The following BNC2 variants were observed in gnomAD, a reference collection of about 807,000 sequenced individuals.
The protein encoded by BNC2 is basonuclin zinc finger protein 2.
A neutral mutation model predicts 76.3 loss-of-function variants in BNC2; 20 were observed. That is an observed-to-expected ratio of 0.26 (90% CI 0.18 to 0.38). The LOEUF is 0.38. BNC2 is among the 10% of genes least tolerant of loss of function. BNC2 has a pLI of 1.00. For synonymous variants in BNC2, 582 were observed against 514.8 expected (o/e 1.13, Z -1.77); for missense variants, 1,382 against 1,399.8 (o/e 0.99, Z 0.20).
At chr9:16,605,104 AC>A (rs1417753896) in intron 3 of BNC2, among the ~76,000 whole-genome samples, 1 of 152,236 alleles carries the variant, frequency 6.6e-6, no homozygotes, top group African/African-American at 2.4e-5. Context: ...CAAAAGGAAC[AC>A]AACATTGTAA....
At chr9:16,542,858 T>C (rs1356431527) in intron 5 of BNC2, among the ~76,000 whole-genome samples, 3 of 152,306 alleles carry the variant, frequency 2.0e-5, no homozygotes, top group South Asian at 4.1e-4. Flanking sequence ...CAGATCCTTA[T>C]CTCATTTTCT....
At chr9:16,706,115 C>T (rs1823664638) in intron 3 of BNC2, among the ~76,000 whole-genome samples, 2 of 152,148 alleles carry the variant, frequency 1.3e-5, no homozygotes, top group Admixed American at 6.5e-5. Context: ...AAATTGTTCT[C>T]ATGTAGCCCT....
At chr9:16,659,143 A>ATGG (rs1423735418) in intron 3 of BNC2, among the ~76,000 whole-genome samples, 1 of 114,782 alleles carries the variant, frequency 8.7e-6, no homozygotes, top group Non-Finnish European at 1.7e-5. Flanking sequence ...TGGCAGATGG[A>ATGG]TGGCGGGGGG....
intron 6 of BNC2, among the ~76,000 whole-genome samples, chr9:16,427,654 G>C (rs1400970017): frequency 1.3e-5 from 2 of 152,186 alleles, no homozygotes; most frequent in Non-Finnish European, 2.9e-5. Flanking sequence ...TTGCTCCCAA[G>C]TTTGGAGAGT....
At chr9:16,811,719 A>G (rs1818061006) in intron 1 of BNC2, among the ~76,000 whole-genome samples, 2 of 152,174 alleles carry the variant, frequency 1.3e-5, no homozygotes, top group Admixed American at 1.3e-4. Flanking sequence ...GAAGCTATGC[A>G]TGTGGAGGCA....
At chr9:16,841,638 T>C (rs1008978933) in intron 1 of BNC2, among the ~76,000 whole-genome samples, 4 of 152,146 alleles carry the variant, frequency 2.6e-5, no homozygotes, top group African/African-American at 7.2e-5. Flanking sequence ...CCATGCCTTC[T>C]TATAAAATCA....
chr9:16,692,160 T>C (rs1297102656), intron 3 of BNC2, among the ~76,000 whole-genome samples: 1 of 152,156 alleles, frequency 6.6e-6, no homozygotes, highest in Non-Finnish European at 1.5e-5. Flanking sequence ...ATTCTATTGG[T>C]TTGCAATCAT....
intron 3 of BNC2, among the ~76,000 whole-genome samples, chr9:16,619,370 G>C (rs186091843): frequency 3.4e-4 from 52 of 151,922 alleles, no homozygotes; most frequent in African/African-American, 1.3e-3. Context: ...CACCCTTCTG[G>C]CACAGCAGGC....
chr9:16,482,519 G>A (rs1371734576), intron 5 of BNC2, among the ~76,000 whole-genome samples: 2 of 152,108 alleles, frequency 1.3e-5, no homozygotes, highest in Admixed American at 1.3e-4. Flanking sequence ...TATTTTGACA[G>A]TTTAAATTGT....
Position 16,410,405 on chromosome 9 carries a change from T to A in BNC2, c.*8584A>T, listed in dbSNP as rs1418589619. 6.5e-6 allele frequency: 1 copy of A among 152,690 alleles called. No individual in the cohort carries two copies. Among genetic ancestry groups the A allele is most frequent in the Admixed American group, 6.5e-5 (1 of 15,272 alleles). 9.5% of individuals were successfully genotyped at this position (152,690 alleles called of 1,614,324 possible). A position where few individuals can be genotyped will look rare whatever the true frequency, so the allele number is the denominator to read the frequency against. ...CAAGCCCAAGTCTTCTCCCCATTTC[T>A]CGACCGTCCTCACCCCTCTGACCTT... On this transcript the variant is annotated 3_prime_UTR_variant, in exon 7 of 7. Transcript: ENST00000380672.
intron 3 of BNC2, among the ~76,000 whole-genome samples, chr9:16,694,441 G>T (rs1362480196): frequency 2.6e-5 from 4 of 152,098 alleles, no homozygotes; most frequent in African/African-American, 9.7e-5. Flanking sequence ...ATGCACAGTG[G>T]TTGGCTAGAG....
chr9:16,861,221 G>A (rs1318121970), intron 1 of BNC2, among the ~76,000 whole-genome samples: 1 of 138,078 alleles, frequency 7.2e-6, no homozygotes, highest in Non-Finnish European at 1.5e-5. Flanking sequence ...AGGCATCGTG[G>A]CTTGCACTTG....
intron 3 of BNC2, among the ~76,000 whole-genome samples, chr9:16,704,412 G>C (rs897559862): frequency 6.6e-6 from 1 of 152,044 alleles, no homozygotes; most frequent in Admixed American, 6.5e-5. Context: ...TGCTCGTGTG[G>C]TTTCACAACA....
intron 1 of BNC2, among the ~76,000 whole-genome samples, chr9:16,855,894 G>C (rs1030064326): frequency 1.3e-5 from 2 of 151,990 alleles, no homozygotes; most frequent in African/African-American, 4.8e-5. Context: ...GTCTAATGTT[G>C]TTTCATGGAA....
intron 5 of BNC2, among the ~76,000 whole-genome samples, chr9:16,512,529 A>T (rs1248807855): frequency 6.6e-6 from 1 of 152,156 alleles, no homozygotes; most frequent in Admixed American, 6.6e-5. Flanking sequence ...GCACAATGTA[A>T]TTAAATAAAC....
At chr9:16,472,859 G>T (rs1399751086) in intron 5 of BNC2, among the ~76,000 whole-genome samples, 3 of 152,208 alleles carry the variant, frequency 2.0e-5, no homozygotes, top group Non-Finnish European at 4.4e-5. Flanking sequence ...TGTGGATCGT[G>T]CCAACAGGCA....
intron 1 of BNC2, among the ~76,000 whole-genome samples, chr9:16,813,165 T>G (rs1368464765): frequency 1.3e-5 from 2 of 151,934 alleles, no homozygotes; most frequent in African/African-American, 4.8e-5. Flanking sequence ...GCCACTGCAC[T>G]CCAGCCTCGG....
Position 16,660,321 on chromosome 9 carries a change from G to A in BNC2, c.330+67476C>T, listed in dbSNP as rs570422763. 9.2e-5 allele frequency among the ~76,000 whole-genome samples: 14 copies of A among 152,298 alleles called. No homozygotes were observed. In the South Asian group the frequency reaches 2.9e-3, roughly 32 times the overall value. On this transcript the variant is annotated intron_variant, in intron 3 of 6. Coordinates refer to ENST00000380672, the MANE Select transcript of BNC2 (RefSeq NM_017637.6). Reference sequence around the variant, plus strand: ...AATACAAAATTAACCAGGCGTGGTGGCACACGCCTGTAATCCCAGCTACTA... The same window carrying A: ...AATACAAAATTAACCAGGCGTGGTGACACACGCCTGTAATCCCAGCTACTA...
chr9:16,443,251 G>A (rs1396801901), intron 5 of BNC2, among the ~76,000 whole-genome samples: 2 of 152,078 alleles, frequency 1.3e-5, no homozygotes, highest in African/African-American at 4.8e-5. Flanking sequence ...CTGACCTGTA[G>A]GGACTGCTGA....
Sources: allele counts gnomAD v4.1 joint callset (sites outside exome capture counted in the v4.1 genomes callset), GRCh38; gene constraint gnomAD v4.1.1; transcripts MANE v1.5; gene names NCBI Gene and HGNC (gene_info 2026-07-23, HGNC 2026-07-21).